The following ZNF846 variants were observed in gnomAD, a reference collection of about 807,000 sequenced individuals.
ZNF846 encodes the protein zinc finger protein 846.
In ZNF846, 15 loss-of-function variants were observed where a neutral mutation model predicts 16.0. The ratio of observed to expected loss-of-function variants is 0.94; its 90% CI spans 0.63 to 1.45. ZNF846 has a LOEUF of 1.45. Ranked by LOEUF, ZNF846 falls within the 40% of genes most tolerant of loss-of-function variation. The pLI is 0.00. For synonymous variants in ZNF846, 229 were observed against 212.0 expected (o/e 1.08, Z -0.70); for missense variants, 714 against 622.3 (o/e 1.15, Z -1.57).
chr19:9,756,749 C>T (rs1258728962), downstream of ZNF846: 1 of 128,526 alleles, frequency 7.8e-6, no homozygotes, highest in Non-Finnish European at 1.8e-5. Flanking sequence ...ATATTAAGTC[C>T]TGAGCACTAA....
In ZNF846 at chr19:9,758,813, T is replaced by C. The variant is rs1219863004; in HGVS notation, c.313-49A>G. The C allele has an allele frequency of 5.0e-6, 7 of 1,407,728 alleles. No individual in the cohort carries two copies. In the Admixed American group the frequency reaches 1.6e-4, roughly 33 times the overall value. 87.2% of individuals were successfully genotyped at this position (1,407,728 alleles called of 1,614,324 possible). On this transcript the variant is annotated intron_variant, in intron 5 of 5. Coordinates refer to ENST00000397902, the Ensembl canonical transcript of ZNF846. ...AAAGAATTTCTCACATTCAGTATGG[T>C]AACAGAATTTCTCCCCAATCACAAC...
exon 6 of ZNF846, chr19:9,757,588 T>C: frequency 6.2e-7 from 1 of 1,613,626 alleles, no homozygotes; most frequent in East Asian, 2.2e-5. Flanking sequence ...TGAGTTCGTG[T>C]GTGAACGTTA....
chr19:9,780,611 G>A (rs893515365), intron 1 of ZNF846, among the ~76,000 whole-genome samples: 2 of 151,848 alleles, frequency 1.3e-5, no homozygotes, highest in Non-Finnish European at 2.9e-5. Context: ...CATCATGCCC[G>A]GCTAATTTTT....
chr19:9,779,571 A>ATT (rs781610244), intron 1 of ZNF846, among the ~76,000 whole-genome samples: 1,531 of 101,302 alleles, frequency 0.015, 10 homozygotes, highest in Non-Finnish European at 0.023. Context: ...CCCCACCAGA[A>ATT]TTTTTTTTTT....
At chr19:9,772,394 G>T (rs995835492), upstream of ZNF846, among the ~76,000 whole-genome samples, 4 of 151,936 alleles carry the variant, frequency 2.6e-5, no homozygotes, top group South Asian at 8.3e-4. Flanking sequence ...GAGGTCAGGA[G>T]TTTGATACTG....
chr19:9,784,957 T>C (rs1259899978), intron 1 of ZNF846, among the ~76,000 whole-genome samples: 1 of 152,226 alleles, frequency 6.6e-6, no homozygotes, highest in Non-Finnish European at 1.5e-5. Flanking sequence ...TTTTTCTAAG[T>C]ACAGATCAAA....
chr19:9,776,161 C>T (rs1181741534), intron 1 of ZNF846, among the ~76,000 whole-genome samples: 1 of 152,214 alleles, frequency 6.6e-6, no homozygotes, highest in African/African-American at 2.4e-5. Context: ...TGTCAAGGAA[C>T]AACACCCGCT....
upstream of ZNF846, among the ~76,000 whole-genome samples, chr19:9,769,939 C>G (rs1473587285): frequency 6.6e-6 from 1 of 150,830 alleles, no homozygotes; most frequent in Non-Finnish European, 1.5e-5. Flanking sequence ...TGATACGATG[C>G]CACAGTACTC....
chr19:9,762,750 T>C (rs1441607040), intron 3 of ZNF846, among the ~76,000 whole-genome samples: 1 of 152,208 alleles, frequency 6.6e-6, no homozygotes, highest in East Asian at 1.9e-4. Flanking sequence ...TAAAATACAC[T>C]AACACTAACG....
downstream of ZNF846, among the ~76,000 whole-genome samples, chr19:9,750,083 C>G (rs2045071975): frequency 6.6e-6 from 1 of 152,092 alleles, no homozygotes; most frequent in Admixed American, 6.6e-5. Context: ...TCTTTATCTC[C>G]AGAACCAAGC....
At chr19:9,784,713 G>A (rs1268599846) in intron 1 of ZNF846, among the ~76,000 whole-genome samples, 1 of 152,108 alleles carries the variant, frequency 6.6e-6, no homozygotes, top group African/African-American at 2.4e-5. Flanking sequence ...CAATACCCGG[G>A]CTTTCTTGGG....
intron 1 of ZNF846, among the ~76,000 whole-genome samples, chr19:9,776,503 CCT>C (rs983662688): frequency 1.3e-5 from 2 of 152,252 alleles, no homozygotes; most frequent in Non-Finnish European, 2.9e-5. Context: ...GGAAGGGCCC[CCT>C]GTCCAGTGGA....
chr19:9,750,332 A>G (rs2045073950), downstream of ZNF846, among the ~76,000 whole-genome samples: 1 of 152,080 alleles, frequency 6.6e-6, no homozygotes, highest in South Asian at 2.1e-4. Flanking sequence ...CACAGATACT[A>G]TGTGCTTTCT....
At chr19:9,759,229 C>T (rs927033548) in intron 5 of ZNF846, among the ~76,000 whole-genome samples, 1 of 151,826 alleles carries the variant, frequency 6.6e-6, no homozygotes, top group East Asian at 1.9e-4. Flanking sequence ...AACTCCTGGC[C>T]TCAAGTGATC....
chr19:9,776,291 CCCAA>C (rs1405771457), intron 1 of ZNF846, among the ~76,000 whole-genome samples: 2 of 152,196 alleles, frequency 1.3e-5, no homozygotes, highest in African/African-American at 2.4e-5. Flanking sequence ...TATCTGGAGG[CCCAA>C]CCGTCTCCCT....
downstream of ZNF846, chr19:9,757,436 G>C (rs1321230801): frequency 6.8e-7 from 1 of 1,478,282 alleles, no homozygotes; most frequent in Non-Finnish European, 9.1e-7. Flanking sequence ...TTTTTTTCCA[G>C]ATGAGTTTAG....
At chr19:9,765,997 T>A in intron 1 of ZNF846, among the ~76,000 whole-genome samples, 1 of 152,226 alleles carries the variant, frequency 6.6e-6, no homozygotes, top group Non-Finnish European at 1.5e-5. Context: ...TAGTTGACTT[T>A]GCCTAGCAAC....
chr19:9,785,300 C>T (rs2045546611), intron 1 of ZNF846, among the ~76,000 whole-genome samples: 1 of 150,834 alleles, frequency 6.6e-6, no homozygotes, highest in Non-Finnish European at 1.5e-5. Flanking sequence ...CAGGTTCAAG[C>T]GATTCTCCTG....
At chr19:9,770,730 G>A (rs998721458), upstream of ZNF846, among the ~76,000 whole-genome samples, 7 of 151,882 alleles carry the variant, frequency 4.6e-5, no homozygotes, top group Non-Finnish European at 1.0e-4. Flanking sequence ...CCAGCAGGGC[G>A]TGGTGGTGCG....
Sources: gnomAD v4.1 joint callset for allele counts (sites outside exome capture counted in the v4.1 genomes callset) on GRCh38, gnomAD v4.1.1 for gene constraint, MANE v1.5 for transcripts, NCBI Gene and HGNC (gene_info 2026-07-23, HGNC 2026-07-21) for gene names.